The following KLHL1 variants were observed in gnomAD, a reference collection of about 807,000 sequenced individuals.
The protein encoded by KLHL1 is kelch like family member 1.
Under a neutral mutation model 77.7 loss-of-function variants are expected in KLHL1, and 47 were observed. The observed-to-expected ratio is 0.60, with a 90% CI of 0.48 to 0.77. The LOEUF (loss-of-function observed/expected upper bound fraction) is 0.77. Among genes scored for constraint, KLHL1 ranks in the 30% least tolerant of loss-of-function variants. The pLI is 0.00. For synonymous variants in KLHL1, 360 were observed against 325.2 expected (o/e 1.11, Z -1.15); for missense variants, 925 against 910.8 (o/e 1.02, Z -0.20).
chr13:69,871,116 G>A (rs542361391), intron 5 of KLHL1, among the ~76,000 whole-genome samples: 41 of 152,166 alleles, frequency 2.7e-4, no homozygotes, highest in Middle Eastern at 3.4e-3. Context: ...AGCTTCCACC[G>A]CTTTTCCATT....
At chr13:69,957,673 A>G (rs2482553) in intron 3 of KLHL1, among the ~76,000 whole-genome samples, 74,247 of 151,506 alleles carry the variant, frequency 0.49, 18,968 homozygotes, top group Non-Finnish European at 0.58. Flanking sequence ...CTGATATACA[A>G]TCTGAATTCC....
At chr13:69,809,635 A>T (rs1260443924) in intron 6 of KLHL1, among the ~76,000 whole-genome samples, 1 of 152,130 alleles carries the variant, frequency 6.6e-6, no homozygotes, top group Non-Finnish European at 1.5e-5. Flanking sequence ...AAGCAACTAC[A>T]CAACTGAGAC....
chr13:70,057,752 C>G (rs535549914), intron 1 of KLHL1, among the ~76,000 whole-genome samples: 1 of 116,426 alleles, frequency 8.6e-6, no homozygotes, highest in Non-Finnish European at 1.6e-5. Flanking sequence ...GTCCGCAGTC[C>G]GGCCTGGGCG....
In KLHL1 at chr13:69,780,713, T is replaced by TATATAC. The variant is rs1566243678; in HGVS notation, c.1639+16024_1639+16025insGTATAT. On this transcript the variant is annotated intron_variant, in intron 7 of 10. Coordinates refer to ENST00000377844, the MANE Select transcript of KLHL1 (RefSeq NM_020866.3). ...ATATATATATATATGTATATATATA[T>TATATAC]ATGTATATATATATATATACATATA... Among the ~76,000 whole-genome samples, 15 of 32,948 alleles carry TATATAC rather than the reference T, an allele frequency of 4.6e-4. 1 individual carries two copies. The highest frequency in any genetic ancestry group is 7.4e-4 in the Non-Finnish European group (14 of 18,854). The allele number at this position is 32,948 out of a possible 152,430, so 21.6% of individuals were successfully genotyped here.
At chr13:69,838,142 A>G (rs1221333874) in intron 6 of KLHL1, among the ~76,000 whole-genome samples, 3 of 151,606 alleles carry the variant, frequency 2.0e-5, no homozygotes, top group Non-Finnish European at 4.4e-5. Flanking sequence ...TTGAAATCTC[A>G]GTTCACAGTG....
chr13:69,784,219 A>C (rs1876388067), intron 7 of KLHL1, among the ~76,000 whole-genome samples: 2 of 152,226 alleles, frequency 1.3e-5, no homozygotes, highest in Non-Finnish European at 2.9e-5. Context: ...GGTACCAGCC[A>C]CTGCAAAAAC....
At chr13:69,781,218 A>T (rs1566244791) in intron 7 of KLHL1, among the ~76,000 whole-genome samples, 1 of 151,878 alleles carries the variant, frequency 6.6e-6, no homozygotes, top group Non-Finnish European at 1.5e-5. Flanking sequence ...ACCTTTCCTG[A>T]AAAGGAAAGG....
chr13:69,760,245 G>A (rs910267442), intron 7 of KLHL1, among the ~76,000 whole-genome samples: 3 of 152,052 alleles, frequency 2.0e-5, no homozygotes, highest in African/African-American at 7.2e-5. Context: ...AGAAACCAGG[G>A]ATTGAGAGCC....
chr13:69,808,241 C>T (rs923754432), intron 6 of KLHL1, among the ~76,000 whole-genome samples: 4 of 152,066 alleles, frequency 2.6e-5, no homozygotes, highest in Non-Finnish European at 5.9e-5. Context: ...TCTTTAGCAG[C>T]TCTGCCATGA....
At position 69,960,733 on chromosome 13, in the gene KLHL1, T is replaced by C. The variant is rs191983057; in HGVS notation, c.817+575A>G. 5.3e-5 allele frequency among the ~76,000 whole-genome samples: 8 copies of C among 152,186 alleles called. No individual in the cohort carries two copies. The East Asian group carries it at 1.5e-3, about 29-fold the overall frequency. The stretch of plus-strand genomic sequence containing the variant: ...TGAGTAACATTCAACAAATGTTTGC[T>C]ATAATGGCAAAATTATTTGAATGCA... On this transcript the variant is annotated intron_variant, in intron 3 of 10. Coordinates refer to ENST00000377844, the MANE Select transcript of KLHL1 (RefSeq NM_020866.3).
intron 1 of KLHL1, among the ~76,000 whole-genome samples, chr13:70,060,258 G>T (rs1281652437): frequency 6.6e-6 from 1 of 152,106 alleles, no homozygotes; most frequent in Non-Finnish European, 1.5e-5. Flanking sequence ...CAAAATACAG[G>T]TAATAACAAA....
At chr13:69,997,592 CAT>C (rs1447083793) in intron 1 of KLHL1, among the ~76,000 whole-genome samples, 1 of 150,458 alleles carries the variant, frequency 6.6e-6, no homozygotes, top group African/African-American at 2.4e-5. Context: ...TTTCACTTAA[CAT>C]AATGTCTTCC....
intron 6 of KLHL1, among the ~76,000 whole-genome samples, chr13:69,829,962 G>T (rs1878697155): frequency 6.7e-6 from 1 of 149,682 alleles, no homozygotes; most frequent in East Asian, 1.9e-4. Flanking sequence ...TCTAAATCTT[G>T]AAACAAAACC....
rs1368889473 is a variant in KLHL1, at chr13:69,733,506, TAAATCA to T, written c.1802+6882_1802+6887del. Among the ~76,000 whole-genome samples, 9 of 152,014 alleles carry T rather than the reference TAAATCA, an allele frequency of 5.9e-5. No individual in the cohort carries two copies. The East Asian group carries it at 1.7e-3, about 29-fold the overall frequency. ...TTTTCAGAATACATGAAGAACTCCA[TAAATCA>T]AAATGAAAAAGAGAACACACAGAAA... On this transcript the variant is annotated intron_variant, in intron 8 of 10. Coordinates refer to ENST00000377844, the MANE Select transcript of KLHL1 (RefSeq NM_020866.3).
intron 5 of KLHL1, among the ~76,000 whole-genome samples, chr13:69,879,209 A>G (rs540061188): frequency 3.0e-4 from 45 of 152,076 alleles, no homozygotes; most frequent in Non-Finnish European, 5.6e-4. Flanking sequence ...TATAATAAAA[A>G]ATATATATAT....
intron 6 of KLHL1, among the ~76,000 whole-genome samples, chr13:69,824,926 A>G (rs1027697041): frequency 2.0e-5 from 3 of 152,126 alleles, no homozygotes; most frequent in East Asian, 3.8e-4. Context: ...TCTAAAAAAA[A>G]TTTGAAATCT....
intron 9 of KLHL1, among the ~76,000 whole-genome samples, chr13:69,715,529 T>A (rs1185434914): frequency 6.6e-5 from 10 of 151,754 alleles, no homozygotes; most frequent in East Asian, 1.9e-4. Context: ...TTATTTATTT[T>A]TTTTTTTTTG....
intron 6 of KLHL1, among the ~76,000 whole-genome samples, chr13:69,809,253 C>T (rs1177443601): frequency 6.6e-6 from 1 of 152,016 alleles, no homozygotes; most frequent in Non-Finnish European, 1.5e-5. Flanking sequence ...GGCACACAGT[C>T]ATCAGACTAT....
At chr13:69,819,510 T>C (rs1292589426) in intron 6 of KLHL1, among the ~76,000 whole-genome samples, 1 of 152,150 alleles carries the variant, frequency 6.6e-6, no homozygotes, top group East Asian at 1.9e-4. Flanking sequence ...AACATTTGCT[T>C]TGAGTTCACA....
Sources: gnomAD v4.1 joint callset for allele counts (sites outside exome capture counted in the v4.1 genomes callset) on GRCh38, gnomAD v4.1.1 for gene constraint, MANE v1.5 for transcripts, NCBI Gene and HGNC (gene_info 2026-07-23, HGNC 2026-07-21) for gene names.